The following MAN2A1 variants were observed in gnomAD, a reference collection of about 807,000 sequenced individuals.
MAN2A1 encodes alpha-mannosidase 2.
In MAN2A1, 76 loss-of-function variants were observed where a neutral mutation model predicts 142.6. The ratio of observed to expected loss-of-function variants is 0.53; its 90% CI spans 0.44 to 0.65. MAN2A1 has a LOEUF of 0.65. MAN2A1 is among the 30% of genes least tolerant of loss of function. The pLI is 0.00. For missense variants in MAN2A1, 1,311 were observed against 1,365.1 expected, an observed-to-expected ratio of 0.96 and a Z score of 0.62; for synonymous variants, 559 against 473.2, an observed-to-expected ratio of 1.18 and a Z score of -2.35.
intron 5 of MAN2A1, among the ~76,000 whole-genome samples, chr5:109,757,994 G>A (rs760452973): frequency 6.6e-6 from 1 of 152,072 alleles, no homozygotes; most frequent in African/African-American, 2.4e-5. Context: ...GAATAATGCT[G>A]TTATACACAT....
chr5:109,804,373 A>G (rs2112701797), intron 12 of MAN2A1: 1 of 665,508 alleles, frequency 1.5e-6, no homozygotes, highest in Non-Finnish European at 1.9e-6. Context: ...TTTTTTAGGC[A>G]AGACAATTGT....
chr5:109,772,827 G>C (rs994389476), intron 7 of MAN2A1, among the ~76,000 whole-genome samples: 1 of 151,944 alleles, frequency 6.6e-6, no homozygotes, highest in Non-Finnish European at 1.5e-5. Flanking sequence ...ATTTGTTAAC[G>C]TCCCAAAGAA....
chr5:109,813,157 C>T (rs1754363651), intron 12 of MAN2A1, among the ~76,000 whole-genome samples: 1 of 152,076 alleles, frequency 6.6e-6, no homozygotes, highest in African/African-American at 2.4e-5. Context: ...TTCCAGTGTT[C>T]CAGTATATAA....
Position 109,716,167 on chromosome 5 carries a change from A to G in MAN2A1, c.438A>G (p.Gly146=), listed in dbSNP as rs891707675. 1 of 1,612,212 alleles carries G rather than the reference A, an allele frequency of 6.2e-7. No homozygotes were observed. Among genetic ancestry groups the G allele is most frequent in the South Asian group, 1.1e-5 (1 of 90,886 alleles). Reference sequence around the variant, plus strand: ...TTTCTTTTGACAATCCAGATGGTGGAGTTTGGAAGCAAGGATTTGACATTA... The same window carrying G: ...TTTCTTTTGACAATCCAGATGGTGGGGTTTGGAAGCAAGGATTTGACATTA... ...SLISFDNPDG[G]VWKQGFDITY... Residue 146 remains glycine, a synonymous_variant, in exon 3 of 22, where the codon GGA becomes GGG. Transcript: ENST00000261483.
intron 12 of MAN2A1, among the ~76,000 whole-genome samples, chr5:109,816,444 T>A (rs561957672): frequency 6.6e-6 from 1 of 152,318 alleles, no homozygotes; most frequent in Admixed American, 6.5e-5. Flanking sequence ...ATCAATTTTT[T>A]TTTTCACCAT....
rs527900536 is a variant in MAN2A1, at chr5:109,724,664, TA to T, written c.536-4672del. 2.5e-3 allele frequency among the ~76,000 whole-genome samples: 388 copies of T among 152,168 alleles called. 3 individuals carry two copies. Among genetic ancestry groups the T allele is most frequent in the African/African-American group, 8.8e-3 (365 of 41,542 alleles). ...AACTTTTGAGTGGAATTAATATACT[TA>T]AAAAATCGTTATTAATAAAAATAAA... is the stretch of plus-strand genomic sequence containing the variant. On this transcript the variant is annotated intron_variant, in intron 3 of 21. Coordinates refer to ENST00000261483, the MANE Select transcript of MAN2A1 (RefSeq NM_002372.4).
intron 4 of MAN2A1, among the ~76,000 whole-genome samples, chr5:109,744,903 A>G (rs1034713504): frequency 1.3e-5 from 2 of 152,196 alleles, no homozygotes; most frequent in African/African-American, 4.8e-5. Flanking sequence ...TTGTATATTC[A>G]TACAACAGAA....
At chr5:109,863,911 A>G (rs1373555893) in intron 20 of MAN2A1, 4 of 152,190 alleles carry the variant, frequency 2.6e-5, no homozygotes, top group African/African-American at 9.7e-5. Flanking sequence ...TCTTAGCAGT[A>G]CCCCTACAAA....
At chr5:109,817,088 C>T (rs1441714739) in intron 12 of MAN2A1, among the ~76,000 whole-genome samples, 185 bp from the exon 13 acceptor site, 1 of 152,090 alleles carries the variant, frequency 6.6e-6, no homozygotes, top group Admixed American at 6.5e-5. Flanking sequence ...ATTGCTTGAG[C>T]CCAGGAGGTT....
intron 20 of MAN2A1, chr5:109,863,525 A>G (rs1450425505): frequency 4.6e-5 from 7 of 152,230 alleles, no homozygotes; most frequent in Non-Finnish European, 1.0e-4. Flanking sequence ...ATTCTGCCCT[A>G]CAAGGCAGTG....
intron 19 of MAN2A1, chr5:109,854,064 T>G (rs2112771922): frequency 6.6e-6 from 1 of 152,322 alleles, no homozygotes; most frequent in Admixed American, 6.5e-5. Context: ...CTATAAATCC[T>G]GTCTTTTCAC....
rs184048900 is a variant in MAN2A1, at chr5:109,746,699, T to C, written c.708-8630T>C. ...AACATTTACATCATTGTGCAGCTGT[T>C]ACTACCATCCATCTCTAGAACTTTG... On this transcript the variant is annotated intron_variant, in intron 4 of 21. Coordinates refer to ENST00000261483, the MANE Select transcript of MAN2A1 (RefSeq NM_002372.4). Among the ~76,000 whole-genome samples, 50 of 152,232 alleles carry C rather than the reference T, an allele frequency of 3.3e-4. 2 individuals are homozygous for C. The East Asian group carries it at 7.7e-3, about 24-fold the overall frequency.
intron 4 of MAN2A1, among the ~76,000 whole-genome samples, chr5:109,733,411 T>G (rs1015478490): frequency 3.9e-5 from 6 of 151,960 alleles, no homozygotes; most frequent in Non-Finnish European, 8.8e-5. Flanking sequence ...TGAATAGGAG[T>G]GGTGAGAGAG....
At position 109,729,323 on chromosome 5, in the gene MAN2A1, T is replaced by C; in HGVS notation, c.536-19T>C. On this transcript the variant is annotated intron_variant, in intron 3 of 21. Coordinates refer to ENST00000261483, the MANE Select transcript of MAN2A1 (RefSeq NM_002372.4). ...CCATACGAATTAGACCTTTGTGGTA[T>C]ATTTGTGTCTTGATTTAGGTTGGTT... 6.4e-7 allele frequency: 1 copy of C among 1,562,056 alleles called. No homozygotes were observed. The highest frequency in any genetic ancestry group is 8.7e-7 in the Non-Finnish European group (1 of 1,146,234).
intron 4 of MAN2A1, among the ~76,000 whole-genome samples, chr5:109,735,742 C>G (rs1322726263): frequency 6.6e-6 from 1 of 152,102 alleles, no homozygotes; most frequent in African/African-American, 2.4e-5. Flanking sequence ...TTGAATTTTG[C>G]CAAAGTGCTT....
intron 9 of MAN2A1, among the ~76,000 whole-genome samples, chr5:109,784,479 G>A (rs934257253): frequency 6.6e-6 from 1 of 152,080 alleles, no homozygotes; most frequent in East Asian, 1.9e-4. Context: ...CTGCCAACAG[G>A]TTCTGGCTTC....
In MAN2A1 at chr5:109,865,085, G is replaced by A. The variant is rs756973910; in HGVS notation, c.3221G>A (p.Gly1074Glu). The A allele has an allele frequency of 6.2e-7, 1 of 1,613,912 alleles. No homozygotes were observed. Among genetic ancestry groups the A allele is most frequent in the Non-Finnish European group, 8.5e-7 (1 of 1,179,952 alleles). ...NEAALILHRK[G>E]FDCRFSSKGT... ...GCAGCCTTGATCCTCCACAGAAAAGGGTTTGATTGTCGGTTCTCTAGCAAA... is the reference window on the plus strand; with the variant it reads ...GCAGCCTTGATCCTCCACAGAAAAGAGTTTGATTGTCGGTTCTCTAGCAAA... Residue 1074 changes from glycine (G) to glutamate (E), a missense_variant, in exon 21 of 22, where the codon GGG becomes GAG. Physicochemically the swap from Gly to Glu is moderately conservative, Grantham distance 98 (BLOSUM62 -2). Around this residue, in one of 3 missense-constraint regions of MAN2A1, gnomAD observed 890 missense variants for 920.5 expected, o/e 0.97. Coordinates refer to ENST00000261483, the MANE Select transcript of MAN2A1 (RefSeq NM_002372.4).
intron 17 of MAN2A1, 28 bp downstream of exon 17, chr5:109,842,489 A>C: frequency 6.8e-7 from 1 of 1,473,966 alleles, no homozygotes; most frequent in Admixed American, 2.0e-5. Context: ...ATGTTTAAGT[A>C]ATGGTTGTAT....
intron 12 of MAN2A1, among the ~76,000 whole-genome samples, chr5:109,790,750 C>T (rs1021077541): frequency 2.0e-5 from 3 of 151,856 alleles, no homozygotes; most frequent in Admixed American, 1.3e-4. Context: ...ACTTTTCTTT[C>T]TTTTTATATT....
Sources: allele counts gnomAD v4.1 joint callset (sites outside exome capture counted in the v4.1 genomes callset), GRCh38; gene constraint gnomAD v4.1.1; regional missense constraint gnomAD v4.1.1; transcripts MANE v1.5; gene names NCBI Gene and HGNC (gene_info 2026-07-23, HGNC 2026-07-21).